Variants in LINGO2 observed in about 807,000 individuals in gnomAD.
LINGO2 encodes leucine-rich repeat and immunoglobulin-like domain-containing nogo receptor-interacting protein 2.
In LINGO2, 14 loss-of-function variants were observed where a neutral mutation model predicts 30.6. That is an observed-to-expected ratio of 0.46 (90% CI 0.30 to 0.72). LINGO2 has a LOEUF of 0.72. Ranked by LOEUF, LINGO2 falls within the 30% of genes least tolerant of loss-of-function variation. The pLI is 0.07. For synonymous variants in LINGO2, 317 were observed against 288.5 expected (o/e 1.10, Z -1.00); for missense variants, 729 against 751.7 (o/e 0.97, Z 0.35).
chr9:28,039,953 C>G (rs148869968), intron 4 of LINGO2, among the ~76,000 whole-genome samples: 1 of 152,248 alleles, frequency 6.6e-6, no homozygotes, highest in African/African-American at 2.4e-5. Context: ...ATTCCATCCT[C>G]TATACATTTG....
At chr9:29,077,126 A>G in the LINGO2 span, among the ~76,000 whole-genome samples, 4 of 152,114 alleles carry the variant, frequency 2.6e-5, no homozygotes, top group African/African-American at 9.7e-5. Context: ...TTATTTTTTT[A>G]AAAACTACCT....
chr9:28,558,482 C>T (rs192477793), intron 1 of LINGO2, among the ~76,000 whole-genome samples: 156 of 152,112 alleles, frequency 1.0e-3, no homozygotes, highest in African/African-American at 3.6e-3. Flanking sequence ...CTGTTTTATC[C>T]TCTTTGGGGA....
intron 2 of LINGO2, among the ~76,000 whole-genome samples, chr9:28,390,387 G>A (rs991781408): frequency 3.5e-4 from 54 of 152,238 alleles, no homozygotes; most frequent in African/African-American, 1.3e-3. Context: ...CCGAAGCCAT[G>A]TATTATTTAA....
chr9:29,004,049 G>T, the LINGO2 span, among the ~76,000 whole-genome samples: 1 of 151,874 alleles, frequency 6.6e-6, no homozygotes, highest in South Asian at 2.1e-4. Flanking sequence ...ATAAGCCAAA[G>T]CCCAGTTGAC....
intron 4 of LINGO2, among the ~76,000 whole-genome samples, chr9:28,052,674 C>T (rs554591708): frequency 1.6e-3 from 243 of 152,180 alleles, no homozygotes; most frequent in Middle Eastern, 6.8e-3. Flanking sequence ...GCTGTTCATT[C>T]CTAAGCTTTC....
the LINGO2 span, among the ~76,000 whole-genome samples, chr9:28,929,077 A>G: frequency 6.6e-6 from 1 of 152,238 alleles, no homozygotes; most frequent in African/African-American, 2.4e-5. Context: ...AATAGCATAC[A>G]AAGCAGGTGA....
At chr9:29,183,693 G>T in the LINGO2 span, among the ~76,000 whole-genome samples, 9 of 151,900 alleles carry the variant, frequency 5.9e-5, no homozygotes, top group African/African-American at 2.2e-4. Context: ...TTTTTCCCTT[G>T]ATCTCCTCTG....
At chr9:28,711,940 C>G in the LINGO2 span, among the ~76,000 whole-genome samples, 4 of 152,062 alleles carry the variant, frequency 2.6e-5, no homozygotes, top group African/African-American at 9.7e-5. Flanking sequence ...TGGCTCTAGG[C>G]TGGGGACTTG....
chr9:28,924,281 T>C, the LINGO2 span, among the ~76,000 whole-genome samples: 2 of 152,074 alleles, frequency 1.3e-5, no homozygotes, highest in Non-Finnish European at 2.9e-5. Context: ...AGAACAGTGG[T>C]GCAATCTCAG....
chr9:29,084,297 C>T, the LINGO2 span, among the ~76,000 whole-genome samples: 2 of 151,880 alleles, frequency 1.3e-5, no homozygotes, highest in African/African-American at 4.8e-5. Context: ...GACCATCAAC[C>T]AAAAAGAGTA....
the LINGO2 span, among the ~76,000 whole-genome samples, chr9:28,772,666 C>T: frequency 1.3e-5 from 2 of 152,160 alleles, no homozygotes; most frequent in Non-Finnish European, 2.9e-5. Flanking sequence ...TACTTCAGTA[C>T]TATATGTTCC....
At chr9:28,704,338 G>A in the LINGO2 span, among the ~76,000 whole-genome samples, 2 of 151,460 alleles carry the variant, frequency 1.3e-5, no homozygotes, top group Admixed American at 1.3e-4. Context: ...TCTCCTTCTG[G>A]TATTTTTCAA....
chr9:28,670,720 T>G (rs1588051737), upstream of LINGO2, among the ~76,000 whole-genome samples: 1 of 152,144 alleles, frequency 6.6e-6, no homozygotes, highest in Admixed American at 6.6e-5. Flanking sequence ...TTACTTTATA[T>G]CTCATAGATT....
the LINGO2 span, among the ~76,000 whole-genome samples, chr9:29,155,146 G>C: frequency 2.0e-5 from 3 of 151,972 alleles, no homozygotes; most frequent in African/African-American, 4.8e-5. Flanking sequence ...AAAAATAATG[G>C]ATAATTTGCC....
chr9:29,036,961 T>G, the LINGO2 span, among the ~76,000 whole-genome samples: 2 of 151,908 alleles, frequency 1.3e-5, no homozygotes, highest in Non-Finnish European at 2.9e-5. Context: ...CAAAAAAGAT[T>G]TGTTATAATA....
At chr9:28,711,663 G>A in the LINGO2 span, among the ~76,000 whole-genome samples, 1 of 152,048 alleles carries the variant, frequency 6.6e-6, no homozygotes, top group Non-Finnish European at 1.5e-5. Context: ...GCAGTTAAGG[G>A]TTGCTTCTGG....
intron 4 of LINGO2, among the ~76,000 whole-genome samples, chr9:28,286,104 A>T (rs773521822): frequency 6.6e-6 from 1 of 152,206 alleles, no homozygotes; most frequent in African/African-American, 2.4e-5. Flanking sequence ...GCATGATTAT[A>T]TGTCACTCTG....
intron 4 of LINGO2, among the ~76,000 whole-genome samples, chr9:28,049,349 G>A (rs1376277872): frequency 1.3e-5 from 2 of 150,790 alleles, no homozygotes; most frequent in African/African-American, 4.9e-5. Flanking sequence ...TACAGTACTA[G>A]GGTTAGGCTA....
the LINGO2 span, among the ~76,000 whole-genome samples, chr9:28,785,476 TTTGC>T: frequency 6.6e-6 from 1 of 152,176 alleles, no homozygotes; most frequent in Non-Finnish European, 1.5e-5. Context: ...CAGAAATCGC[TTTGC>T]TTATTGATTT....
Sources: gnomAD v4.1 joint callset for allele counts (sites outside exome capture counted in the v4.1 genomes callset) on GRCh38, gnomAD v4.1.1 for gene constraint, MANE v1.5 for transcripts, NCBI Gene and HGNC (gene_info 2026-07-23, HGNC 2026-07-21) for gene names.